The following CLCN4 variants were observed in gnomAD, a reference collection of about 807,000 sequenced individuals.
The protein encoded by CLCN4 is H(+)/Cl(-) exchange transporter 4.
In CLCN4, 1 loss-of-function variant was observed where a neutral mutation model predicts 41.7. The ratio of observed to expected loss-of-function variants is 0.02; its 90% confidence interval spans 0.01 to 0.11. The LOEUF (loss-of-function observed/expected upper bound fraction) is 0.11. CLCN4 is among the 10% of genes least tolerant of loss of function. CLCN4 has a pLI of 1.00. For synonymous variants in CLCN4, 277 were observed against 285.8 expected (o/e 0.97, Z 0.31); for missense variants, 287 against 661.0 (o/e 0.43, Z 6.20).
chrX:10,204,613 C>CTTTTTTTTT lies in CLCN4; in HGVS notation c.556-1717_556-1709dup, dbSNP rs61453535. ...CTATTCTCACCAGAAAGCTAGTAGT[C>CTTTTTTTTT]TTTTTTTTTTTTTTTTTTTTTTTTT... On this transcript the variant is annotated intron_variant, in intron 6 of 12. Transcript: ENST00000380833. Among the ~76,000 whole-genome samples the CTTTTTTTTT allele has an allele frequency of 1.5e-3, 41 of 27,349 alleles. 11 individuals carry two copies. Among genetic ancestry groups the CTTTTTTTTT allele is most frequent in the South Asian group, 0.011 (2 of 185 alleles). The allele number at this position is 27,349 out of a possible 115,157, so 23.7% of individuals were successfully genotyped here. A position where few individuals can be genotyped will look rare whatever the true frequency, so the allele number is the denominator to read the frequency against.
Position 10,175,857 on chromosome X carries a change from T to C in CLCN4, c.-11-9165T>C, listed in dbSNP as rs368311660. 1.9e-3 allele frequency among the ~76,000 whole-genome samples: 206 copies of C among 107,732 alleles called. 3 individuals carry two copies. The highest frequency in any genetic ancestry group is 6.6e-3 in the African/African-American group (194 of 29,546). 93.6% of individuals were successfully genotyped at this position (107,732 alleles called of 115,157 possible). A position where few individuals can be genotyped will look rare whatever the true frequency, so the allele number is the denominator to read the frequency against. ...CTGATTGTAGGATCTCACAGAAACC[T>C]CTCTCTCTCTCTCTCCCACCCTCTC... On this transcript the variant is annotated intron_variant, in intron 2 of 12. Coordinates refer to ENST00000380833, the MANE Select transcript of CLCN4 (RefSeq NM_001830.4).
In CLCN4 at chrX:10,157,053, G is replaced by A; in HGVS notation, c.-322G>A. Reference sequence around the variant, plus strand: ...TTAGACCCTCAACCCAAAGGAGCAGGAGATTTCGGTAGCGTTTTAACTTTA... The same window carrying A: ...TTAGACCCTCAACCCAAAGGAGCAGAAGATTTCGGTAGCGTTTTAACTTTA... On this transcript the variant is annotated 5_prime_UTR_variant, in exon 1 of 13. Transcript: ENST00000380833. The A allele has an allele frequency of 3.4e-6, 1 of 298,169 alleles. No individual in the cohort carries two copies. The allele number at this position is 298,169 out of a possible 1,213,427, so 24.6% of individuals were successfully genotyped here.
chrX:10,232,753 G>A (rs745956376), intron 12 of CLCN4, among the ~76,000 whole-genome samples: 3 of 109,963 alleles, frequency 2.7e-5, no homozygotes, highest in Non-Finnish European at 5.7e-5. Flanking sequence ...GTGTTTGTGA[G>A]CAGTGCTCCT....
chrX:10,219,034 GGCACTGGGAGT>G (rs1157384462), intron 11 of CLCN4, among the ~76,000 whole-genome samples: 1 of 112,827 alleles, frequency 8.9e-6, no homozygotes, highest in Non-Finnish European at 1.9e-5. Context: ...GCATTGTCCA[GGCACTGGGAGT>G]GCACTGGTGA....
chrX:10,220,493 G>A (rs1408016237), intron 11 of CLCN4, among the ~76,000 whole-genome samples, 168 bp from the exon 12 acceptor site: 2 of 112,275 alleles, frequency 1.8e-5, no homozygotes, highest in African/African-American at 6.5e-5. Context: ...GCTGCAGAGA[G>A]ATGCCAATTC....
chrX:10,201,295 T>C (rs1250836911), intron 6 of CLCN4, among the ~76,000 whole-genome samples: 1 of 111,720 alleles, frequency 9.0e-6, no homozygotes, highest in Non-Finnish European at 1.9e-5. Context: ...TTCTTTTAAC[T>C]CTATATAAGT....
intron 6 of CLCN4, among the ~76,000 whole-genome samples, 177 bp downstream of exon 6, chrX:10,198,238 A>C (rs1924149019): frequency 8.9e-6 from 1 of 112,474 alleles, no homozygotes; most frequent in Non-Finnish European, 1.9e-5. Context: ...ACTAAAGCAC[A>C]GAGAGGTTAA....
intron 2 of CLCN4, among the ~76,000 whole-genome samples, chrX:10,173,759 TGC>T (rs1198487973): frequency 8.9e-6 from 1 of 112,160 alleles, no homozygotes; most frequent in African/African-American, 3.2e-5. Context: ...GCCCAGGGGA[TGC>T]GCATGTGCAT....
At chrX:10,210,485 T>A (rs2147180984) in intron 9 of CLCN4, among the ~76,000 whole-genome samples, 1 of 110,324 alleles carries the variant, frequency 9.1e-6, no homozygotes, top group East Asian at 2.8e-4. Context: ...TTTCTATGAA[T>A]TGTCTTTTAA....
chrX:10,173,245 C>A (rs1284568087), intron 2 of CLCN4, among the ~76,000 whole-genome samples: 9 of 111,267 alleles, frequency 8.1e-5, no homozygotes, highest in African/African-American at 2.9e-4. Flanking sequence ...TGGGCCACAC[C>A]CCAGCTCTCC....
chrX:10,194,532 A>G, intron 4 of CLCN4, among the ~76,000 whole-genome samples: 1 of 111,883 alleles, frequency 8.9e-6, no homozygotes, highest in African/African-American at 3.3e-5. Flanking sequence ...CCTGAGAAAT[A>G]TTAATGTGTG....
At chrX:10,188,649 T>G (rs778140468) in intron 4 of CLCN4, among the ~76,000 whole-genome samples, 2 of 112,583 alleles carry the variant, frequency 1.8e-5, no homozygotes, top group Non-Finnish European at 3.8e-5. Flanking sequence ...AGAGGTTTCC[T>G]TAATAAAAAT....
chrX:10,176,594 A>C (rs1389252691), intron 2 of CLCN4, among the ~76,000 whole-genome samples: 2 of 112,059 alleles, frequency 1.8e-5, no homozygotes, highest in East Asian at 5.6e-4. Context: ...AGGTGGTTTT[A>C]GTAGCAGTTT....
chrX:10,204,066 C>T (rs991934267), intron 6 of CLCN4, among the ~76,000 whole-genome samples: 5 of 111,446 alleles, frequency 4.5e-5, no homozygotes, highest in South Asian at 3.8e-4. Flanking sequence ...AATTGGGGGA[C>T]GGGTTGGAGG....
At chrX:10,164,308 C>T (rs1569222213) in intron 2 of CLCN4, among the ~76,000 whole-genome samples, 1 of 111,065 alleles carries the variant, frequency 9.0e-6, no homozygotes, top group African/African-American at 3.3e-5. Flanking sequence ...GCAGGGAGAT[C>T]GGCGTGTGCA....
intron 5 of CLCN4, among the ~76,000 whole-genome samples, chrX:10,197,669 G>A (rs963426253): frequency 1.7e-4 from 19 of 111,592 alleles, no homozygotes; most frequent in African/African-American, 5.2e-4. Context: ...CATCATCCAC[G>A]GTTTCCATTA....
At position 10,230,348 on chromosome X, in the gene CLCN4, A is replaced by G. The variant is rs113482305; in HGVS notation, c.2193-3146A>G. Reference sequence around the variant, plus strand: ...AAAGCAAAAGGGCAACTCTAATGAGACCGGGGCCCACTAAAGCTTTTGCAA... The same window carrying G: ...AAAGCAAAAGGGCAACTCTAATGAGGCCGGGGCCCACTAAAGCTTTTGCAA... On this transcript the variant is annotated intron_variant, in intron 12 of 12. Transcript: ENST00000380833. Among the ~76,000 whole-genome samples the G allele has an allele frequency of 6.3e-3, 704 of 112,103 alleles. 6 individuals carry two copies. Among genetic ancestry groups the G allele is most frequent in the African/African-American group, 0.021 (640 of 30,850 alleles).
chrX:10,172,818 A>G, intron 2 of CLCN4, among the ~76,000 whole-genome samples: 1 of 112,295 alleles, frequency 8.9e-6, no homozygotes, highest in African/African-American at 3.2e-5. Context: ...TATAGCCTCA[A>G]ACATTCATGC....
chrX:10,204,275 A>G (rs371770523), intron 6 of CLCN4, among the ~76,000 whole-genome samples: 2 of 112,095 alleles, frequency 1.8e-5, no homozygotes, highest in African/African-American at 6.5e-5. Context: ...AGGTCTGGAA[A>G]TGGAGCAAGA....
Sources: allele counts gnomAD v4.1 joint callset (sites outside exome capture counted in the v4.1 genomes callset), GRCh38; gene constraint gnomAD v4.1.1; transcripts MANE v1.5; gene names NCBI Gene and HGNC (gene_info 2026-07-23, HGNC 2026-07-21).